Variants in ATAD1 observed in about 807,000 individuals in gnomAD.
The protein encoded by ATAD1 is ATPase family AAA domain containing 1.
ATAD1 carries 18 observed loss-of-function variants against 42.7 expected under a neutral mutation model. The observed-to-expected ratio is 0.42, with a 90% CI of 0.29 to 0.63. The LOEUF is 0.63. Among genes scored for constraint, ATAD1 ranks in the 20% least tolerant of loss-of-function variants. ATAD1 has a pLI of 0.19. For synonymous variants in ATAD1, 132 were observed against 143.1 expected (o/e 0.92, Z 0.55); for missense variants, 294 against 440.4 (o/e 0.67, Z 2.98).
At chr10:87,816,247 C>T (rs1857409693) in intron 1 of ATAD1, among the ~76,000 whole-genome samples, 1 of 152,232 alleles carries the variant, frequency 6.6e-6, no homozygotes, top group Admixed American at 6.5e-5. Context: ...TTATGTTCAA[C>T]AGATAAATTG....
chr10:87,810,306 G>A (rs1857122060), intron 2 of ATAD1, among the ~76,000 whole-genome samples: 1 of 150,316 alleles, frequency 6.7e-6, no homozygotes, highest in African/African-American at 2.5e-5. Flanking sequence ...TCTAGTATTC[G>A]GTTTATTTTC....
intron 2 of ATAD1, among the ~76,000 whole-genome samples, chr10:87,796,654 T>C (rs934014960): frequency 1.3e-5 from 2 of 152,138 alleles, no homozygotes; most frequent in African/African-American, 4.8e-5. Context: ...AAAATAAACT[T>C]TCTAAATTAA....
chr10:87,757,440 T>C (rs1229339066), intron 8 of ATAD1, among the ~76,000 whole-genome samples: 1 of 152,168 alleles, frequency 6.6e-6, no homozygotes, highest in African/African-American at 2.4e-5. Context: ...GATAGTCTAA[T>C]CATACTAAAC....
At chr10:87,774,445 A>G (rs995777829) in intron 6 of ATAD1, among the ~76,000 whole-genome samples, 2 of 152,236 alleles carry the variant, frequency 1.3e-5, no homozygotes, top group African/African-American at 4.8e-5. Context: ...AATTAGAAAC[A>G]TGAGTAATAA....
chr10:87,782,818 G>A (rs1855631537), intron 5 of ATAD1, among the ~76,000 whole-genome samples: 1 of 151,944 alleles, frequency 6.6e-6, no homozygotes, highest in Non-Finnish European at 1.5e-5. Flanking sequence ...GCAACATAGT[G>A]AGACTTCGTC....
At chr10:87,766,182 A>G (rs1235015535) in intron 8 of ATAD1, among the ~76,000 whole-genome samples, 2 of 152,222 alleles carry the variant, frequency 1.3e-5, no homozygotes, top group Non-Finnish European at 2.9e-5. Flanking sequence ...AAACCGTAAC[A>G]ATGTGGCAAT....
intron 1 of ATAD1, 53 bp downstream of exon 1, chr10:87,818,114 T>A: frequency 1.0e-6 from 1 of 985,474 alleles, no homozygotes; most frequent in Non-Finnish European, 1.2e-6. Flanking sequence ...TTAAAGGACC[T>A]CAGAAGGATA....
chr10:87,831,877 A>T (rs1356603639), intron 1 of ATAD1, among the ~76,000 whole-genome samples: 1 of 152,052 alleles, frequency 6.6e-6, no homozygotes, highest in Non-Finnish European at 1.5e-5. Context: ...AACTCATGTA[A>T]TTCTCATAAA....
At chr10:87,834,694 T>C (rs1331292959) in intron 1 of ATAD1, among the ~76,000 whole-genome samples, 1 of 152,146 alleles carries the variant, frequency 6.6e-6, no homozygotes, top group Admixed American at 6.5e-5. Context: ...GTGAATTTCA[T>C]TGGTCTTAAA....
Position 87,832,395 on chromosome 10 carries a change from G to GA in ATAD1, c.-14+8791dup, listed in dbSNP as rs11339550. 3.8e-3 allele frequency: 543 copies of GA among 142,952 alleles called. 1 individual carries two copies. Among genetic ancestry groups the GA allele is most frequent in the African/African-American group, 7.7e-3 (301 of 38,994 alleles). 8.9% of individuals were successfully genotyped at this position (142,952 alleles called of 1,614,324 possible). A position where few individuals can be genotyped will look rare whatever the true frequency, so the allele number is the denominator to read the frequency against. ...GGCAACAGAGTGAGATCCTATCTCAGAAAAAAAAAAAAATATGGCTGCAGT... is the reference window on the plus strand; with the variant it reads ...GGCAACAGAGTGAGATCCTATCTCAGAAAAAAAAAAAAAATATGGCTGCAGT... On this transcript the variant is annotated intron_variant, in intron 1 of 4. Transcript: ENST00000495903.
At chr10:87,812,634 C>T (rs543138389) in intron 2 of ATAD1, among the ~76,000 whole-genome samples, 4 of 152,248 alleles carry the variant, frequency 2.6e-5, no homozygotes, top group East Asian at 3.9e-4. Flanking sequence ...AAGCTATAGC[C>T]GTTGGCCAAG....
At chr10:87,803,236 C>T (rs564379199) in intron 2 of ATAD1, among the ~76,000 whole-genome samples, 4 of 152,246 alleles carry the variant, frequency 2.6e-5, no homozygotes, top group East Asian at 3.9e-4. Flanking sequence ...AGGACCTATC[C>T]GTCAAGGAAT....
intron 8 of ATAD1, among the ~76,000 whole-genome samples, chr10:87,766,219 C>T (rs1410171979): frequency 6.6e-6 from 1 of 152,076 alleles, no homozygotes; most frequent in Non-Finnish European, 1.5e-5. Flanking sequence ...AACACTCTAA[C>T]CTTTGATCTA....
chr10:87,754,662 T>C lies in ATAD1; in HGVS notation c.*25A>G, dbSNP rs1176236278. 1 of 1,606,268 alleles carries C rather than the reference T, an allele frequency of 6.2e-7. No individual in the cohort carries two copies. The highest frequency in any genetic ancestry group is 1.1e-5 in the South Asian group (1 of 90,312). On this transcript the variant is annotated 3_prime_UTR_variant, in exon 10 of 10. Transcript: ENST00000680024. ...AAGAGGACACACCAAACTAGATCAC[T>C]GAACTGTACAAATGATCTTTACTCT...
intron 5 of ATAD1, among the ~76,000 whole-genome samples, chr10:87,783,306 A>C (rs1203386905): frequency 1.3e-5 from 2 of 151,936 alleles, no homozygotes; most frequent in East Asian, 3.9e-4. Flanking sequence ...GGGGAGGTTG[A>C]GGCTGCAGTG....
In ATAD1 at chr10:87,818,200, A is replaced by C. The variant is rs1857523124; in HGVS notation, c.-47T>G. 2.0e-6 allele frequency: 2 copies of C among 985,554 alleles called. No homozygotes were observed. Among genetic ancestry groups the C allele is most frequent in the Admixed American group, 6.1e-5 (1 of 16,270 alleles). The allele number at this position is 985,554 out of a possible 1,614,324, so 61.1% of individuals were successfully genotyped here. A position where few individuals can be genotyped will look rare whatever the true frequency, so the allele number is the denominator to read the frequency against. ...AGAAACAGCAAGAGCAAGTGCCCTCAGCCGGCCTCACACAGGAAGGAAACG... is the reference window on the plus strand; with the variant it reads ...AGAAACAGCAAGAGCAAGTGCCCTCCGCCGGCCTCACACAGGAAGGAAACG... On this transcript the variant is annotated 5_prime_UTR_variant, in exon 1 of 10. Coordinates refer to ENST00000680024, the MANE Select transcript of ATAD1 (RefSeq NM_001321967.2).
chr10:87,818,913 T>G (rs1475056630), upstream of ATAD1: 1 of 152,346 alleles, frequency 6.6e-6, no homozygotes, highest in Non-Finnish European at 1.5e-5. Flanking sequence ...ACGAGCGACG[T>G]GACACAAGAG....
At chr10:87,778,872 C>A (rs1246299927) in intron 5 of ATAD1, among the ~76,000 whole-genome samples, 4 of 151,998 alleles carry the variant, frequency 2.6e-5, no homozygotes, top group South Asian at 2.1e-4. Flanking sequence ...AAAATTAACA[C>A]AAAATGGATC....
intron 1 of ATAD1, chr10:87,833,211 A>G (rs924877094): frequency 6.6e-5 from 10 of 152,150 alleles, no homozygotes; most frequent in African/African-American, 9.7e-5. Context: ...TTAAATTCGT[A>G]CCTTAGTATT....
Sources: allele counts gnomAD v4.1 joint callset (sites outside exome capture counted in the v4.1 genomes callset), GRCh38; gene constraint gnomAD v4.1.1; transcripts MANE v1.5; gene names NCBI Gene and HGNC (gene_info 2026-07-23, HGNC 2026-07-21).